Variants in LRRC7 observed in about 807,000 individuals in gnomAD.
LRRC7 encodes leucine-rich repeat-containing protein 7.
In LRRC7, 23 loss-of-function variants were observed where a neutral mutation model predicts 175.7. The observed-to-expected ratio is 0.13, with a 90% CI of 0.09 to 0.19. LRRC7 has a LOEUF of 0.19. LRRC7 is among the 10% of genes least tolerant of loss of function. The pLI is 1.00. For synonymous variants in LRRC7, 685 were observed against 680.9 expected (o/e 1.01, Z -0.09); for missense variants, 1,354 against 1,904.7 (o/e 0.71, Z 5.38).
In LRRC7 at chr1:69,963,825, A is replaced by AGCC. The variant is rs368380868; in HGVS notation, c.712-16553_712-16551dup. Among the ~76,000 whole-genome samples the AGCC allele has an allele frequency of 1.0e-3, 152 of 152,360 alleles. 4 individuals carry two copies. Among genetic ancestry groups the AGCC allele is most frequent in the African/African-American group, 3.3e-3 (139 of 41,592 alleles). ...CAGTTGTTAACATTTTGTAGAACCC[A>AGCC]GCCCAGGAAACATAAAATACTGGAA... On this transcript the variant is annotated intron_variant, in intron 8 of 26. Transcript: ENST00000651989.
At chr1:70,120,279 T>G (rs1056643305) in intron 26 of LRRC7, among the ~76,000 whole-genome samples, 2 of 152,104 alleles carry the variant, frequency 1.3e-5, no homozygotes, top group African/African-American at 4.8e-5. Flanking sequence ...GCATTTTCAT[T>G]TATTAAATGT....
intron 7 of LRRC7, among the ~76,000 whole-genome samples, chr1:69,889,267 G>A (rs774166378): frequency 1.3e-5 from 2 of 152,072 alleles, no homozygotes; most frequent in South Asian, 2.1e-4. Flanking sequence ...TTGCTGCATT[G>A]ATTGACTCTT....
At chr1:69,680,663 GA>G (rs61015019) in intron 2 of LRRC7, among the ~76,000 whole-genome samples, 39,211 of 138,112 alleles carry the variant, frequency 0.28, 5,325 homozygotes, top group East Asian at 0.36. Context: ...AATTCCATGA[GA>G]AAAAAAAAAG....
intron 7 of LRRC7, among the ~76,000 whole-genome samples, chr1:69,925,662 T>C (rs1647046722): frequency 1.3e-5 from 2 of 152,312 alleles, no homozygotes; most frequent in Non-Finnish European, 2.9e-5. Flanking sequence ...TTTATCATTT[T>C]TATTGCGTCT....
chr1:69,705,606 A>G (rs943379954), intron 2 of LRRC7, among the ~76,000 whole-genome samples: 9 of 152,148 alleles, frequency 5.9e-5, no homozygotes, highest in South Asian at 2.1e-4. Flanking sequence ...AAATCTTGAC[A>G]TTAGAGAAGA....
chr1:69,912,125 G>A (rs1438970738), intron 7 of LRRC7, among the ~76,000 whole-genome samples: 2 of 152,038 alleles, frequency 1.3e-5, no homozygotes, highest in Non-Finnish European at 2.9e-5. Flanking sequence ...ATCCATGAAG[G>A]TCATGGAACC....
chr1:70,111,847 G>A (rs1665548403), intron 26 of LRRC7, among the ~76,000 whole-genome samples: 1 of 151,834 alleles, frequency 6.6e-6, no homozygotes. Flanking sequence ...GCCTAATTTT[G>A]GCAAGAAAGA....
At chr1:69,860,645 A>G (rs1050958368) in intron 7 of LRRC7, among the ~76,000 whole-genome samples, 4 of 152,026 alleles carry the variant, frequency 2.6e-5, no homozygotes, top group Non-Finnish European at 5.9e-5. Context: ...TTGTTCTAGA[A>G]AAAAAGCATT....
chr1:69,880,661 T>C (rs2101610284), intron 7 of LRRC7, among the ~76,000 whole-genome samples: 1 of 152,166 alleles, frequency 6.6e-6, no homozygotes, highest in South Asian at 2.1e-4. Flanking sequence ...AGGAGAGTAT[T>C]ATTGATAATA....
chr1:69,602,165 TGC>T (rs1380573871), intron 1 of LRRC7, among the ~76,000 whole-genome samples: 1 of 152,248 alleles, frequency 6.6e-6, no homozygotes. Context: ...AGAACCCAGA[TGC>T]TCTGTCTTCT....
At chr1:70,074,937 C>T (rs1393562380) in intron 23 of LRRC7, among the ~76,000 whole-genome samples, 5 of 152,056 alleles carry the variant, frequency 3.3e-5, no homozygotes, top group East Asian at 1.9e-4. Flanking sequence ...TCCAACCTAA[C>T]GTTTTCATAG....
chr1:70,108,548 T>A (rs1665301024), intron 26 of LRRC7, among the ~76,000 whole-genome samples: 1 of 152,240 alleles, frequency 6.6e-6, no homozygotes. Context: ...AATCATTTTC[T>A]ACATTCCAAG....
intron 4 of LRRC7, among the ~76,000 whole-genome samples, chr1:69,795,433 G>A (rs1283151179): frequency 6.6e-6 from 1 of 151,694 alleles, no homozygotes; most frequent in Non-Finnish European, 1.5e-5. Context: ...GTTACTTAAG[G>A]AACATAATAC....
At chr1:69,691,797 C>CAAAAAAAAAAAAA (rs57676937) in intron 2 of LRRC7, among the ~76,000 whole-genome samples, 94 of 85,108 alleles carry the variant, frequency 1.1e-3, no homozygotes, top group Non-Finnish European at 1.3e-3. Flanking sequence ...GACCCTGTCT[C>CAAAAAAAAAAAAA]AAAAAAAAAA....
intron 7 of LRRC7, among the ~76,000 whole-genome samples, chr1:69,887,936 C>T (rs1053344583): frequency 4.2e-5 from 6 of 143,978 alleles, no homozygotes; most frequent in African/African-American, 1.6e-4. Context: ...GCTCAGGGGT[C>T]AGGGGTCAGG....
intron 8 of LRRC7, among the ~76,000 whole-genome samples, chr1:69,951,608 A>G (rs777851033): frequency 6.6e-6 from 1 of 152,184 alleles, no homozygotes; most frequent in African/African-American, 2.4e-5. Flanking sequence ...CTACGCATCC[A>G]TAAAAAAGAA....
intron 2 of LRRC7, 133 bp downstream of exon 2, chr1:69,678,611 TAA>T (rs1217609935): frequency 2.2e-5 from 14 of 635,876 alleles, no homozygotes; most frequent in African/African-American, 2.0e-4. Flanking sequence ...TCTTTTAAAA[TAA>T]GTTACCATAT....
At chr1:69,769,994 G>A (rs996839386) in intron 3 of LRRC7, among the ~76,000 whole-genome samples, 2 of 152,034 alleles carry the variant, frequency 1.3e-5, no homozygotes, top group East Asian at 1.9e-4. Context: ...AACTTTACAT[G>A]GAAAAAGGAC....
chr1:69,828,993 A>T (rs961047954), intron 5 of LRRC7, among the ~76,000 whole-genome samples: 1 of 151,998 alleles, frequency 6.6e-6, no homozygotes, highest in East Asian at 1.9e-4. Context: ...AATAGTAAAA[A>T]TTAGCAATTA....
Sources: allele counts gnomAD v4.1 joint callset (sites outside exome capture counted in the v4.1 genomes callset), GRCh38; gene constraint gnomAD v4.1.1; transcripts MANE v1.5; gene names NCBI Gene and HGNC (gene_info 2026-07-23, HGNC 2026-07-21).